BTNL9: variants seen among roughly 807,000 people sequenced by gnomAD.
The protein encoded by BTNL9 is butyrophilin-like protein 9.
Under a neutral mutation model 45.8 loss-of-function variants are expected in BTNL9, and 45 were observed. The observed-to-expected ratio is 0.98, with a 90% CI of 0.77 to 1.26. The LOEUF is 1.26. Ranked by LOEUF, BTNL9 falls within the 50% of genes most tolerant of loss-of-function variation. BTNL9 has a pLI of 0.00. For missense variants in BTNL9, 784 were observed against 729.7 expected (o/e 1.07, Z -0.86); for synonymous variants, 346 against 330.8 (o/e 1.05, Z -0.50).
chr5:181,048,821 TATA>T lies in BTNL9; in HGVS notation c.454+554_454+556del, dbSNP rs534986529. On this transcript the variant is annotated intron_variant, in intron 3 of 10. Transcript: ENST00000327705. ...ATATATTATATAATTATATTAGTTA[TATA>T]ATATTATATAATTATATTAGTTATA... 6.7e-4 allele frequency among the ~76,000 whole-genome samples: 93 copies of T among 139,658 alleles called. 1 individual carries two copies. The highest frequency in any genetic ancestry group is 7.2e-3 in the Middle Eastern group (2 of 276). 91.6% of individuals were successfully genotyped at this position (139,658 alleles called of 152,430 possible).
intron 7 of BTNL9, chr5:181,054,526 T>G (rs1427629092): frequency 2.0e-6 from 2 of 985,352 alleles, no homozygotes; most frequent in Non-Finnish European, 1.2e-6. Flanking sequence ...ACGTTTACTG[T>G]CTCCGGTTCA....
At chr5:181,052,646 G>A (rs1761606082) in intron 4 of BTNL9, 1 of 152,228 alleles carries the variant, frequency 6.6e-6, no homozygotes, top group Non-Finnish European at 1.5e-5. Flanking sequence ...TGGTGCTGTC[G>A]GCGCTGCCCC....
chr5:181,058,087 A>C (rs766450600), intron 9 of BTNL9, among the ~76,000 whole-genome samples: 1 of 152,050 alleles, frequency 6.6e-6, no homozygotes, highest in Non-Finnish European at 1.5e-5. Flanking sequence ...CTTTACCTAC[A>C]TGCTCCACTC....
Position 181,053,231 on chromosome 5 carries a change from G to C in BTNL9, c.768G>C (p.Lys256Asn). ...DVFVPGASAWKSAFVATLPLL... is the reference protein window; with the variant it reads ...DVFVPGASAWNSAFVATLPLL... The stretch of plus-strand genomic sequence containing the variant: ...TCGTACCCGGAGCCTCTGCGTGGAA[G>C]AGCGCGTTCGTCGCGACCCTGCCGC... Residue 256 changes from lysine to asparagine, a missense_variant, in exon 5 of 11, where the codon AAG becomes AAC. Physicochemically the swap from Lys to Asn is moderately conservative, Grantham distance 94. Coordinates refer to ENST00000327705, the MANE Select transcript of BTNL9 (RefSeq NM_152547.5). The surrounding 1 kb of genome is among the most constrained non-coding windows in gnomAD (Gnocchi z 6.5). 6.3e-7 allele frequency: 1 copy of C among 1,589,632 alleles called. No homozygotes were observed. The highest frequency in any genetic ancestry group is 2.4e-5 in the East Asian group (1 of 42,152).
In BTNL9 at chr5:181,053,259, C is replaced by G. The variant is rs749161528; in HGVS notation, c.796C>G (p.Leu266Val). 1 of 1,589,348 alleles carries G rather than the reference C, an allele frequency of 6.3e-7. No homozygotes were observed. Among genetic ancestry groups the G allele is most frequent in the South Asian group, 1.1e-5 (1 of 88,554 alleles). Residue 266 changes from leucine (L) to valine (V), a missense_variant, in exon 5 of 11, where the codon CTG (leucine) becomes GTG (valine). By Grantham distance (32) the Leu-to-Val change is conservative. Transcript: ENST00000327705. The surrounding 1 kb of genome is among the most constrained non-coding windows in gnomAD (Gnocchi z 6.5). ...CGCGTTCGTCGCGACCCTGCCGCTGCTGTTGGTCCTCGCGGCGCTGGCGCT... is the reference window on the plus strand; with the variant it reads ...CGCGTTCGTCGCGACCCTGCCGCTGGTGTTGGTCCTCGCGGCGCTGGCGCT... Reference protein sequence around the residue: ...KSAFVATLPLLLVLAALALGV... With the variant: ...KSAFVATLPLVLVLAALALGV...
Position 181,040,306 on chromosome 5 carries a change from C to T in BTNL9, c.-150C>T, listed in dbSNP as rs1760711740. On this transcript the variant is annotated 5_prime_UTR_variant, in exon 1 of 11. Coordinates refer to ENST00000327705, the MANE Select transcript of BTNL9 (RefSeq NM_152547.5). ...GCCCTGGCCTCTGGAGCTCAGCTGC[C>T]AGTCCACGTCTAGGGAATCTTAGCA... The T allele has an allele frequency of 6.6e-6, 1 of 152,200 alleles. No individual in the cohort carries two copies. The highest frequency in any genetic ancestry group is 2.1e-4 in the South Asian group (1 of 4,834). 9.4% of individuals were successfully genotyped at this position (152,200 alleles called of 1,614,324 possible).
rs150556835 is a variant in BTNL9 at position 181,048,110 on chromosome 5, C to A, written c.293C>A (p.Pro98Gln). ...CAGGAGCTCCCTGGCAGGCAGATGC[C>A]GGCGTTCCGGAACAGGACCAAGTTG... ...EQQELPGRQM[P>Q]AFRNRTKLVK... Residue 98 changes from proline to glutamine, a missense_variant, in exon 3 of 11, where the codon CCG becomes CAG. By Grantham distance (76) the Pro-to-Gln change is moderately conservative. Coordinates refer to ENST00000327705, the MANE Select transcript of BTNL9 (RefSeq NM_152547.5). 1 of 1,613,550 alleles carries A rather than the reference C, an allele frequency of 6.2e-7. No homozygotes were observed.
chr5:181,048,170 T>C lies in BTNL9; in HGVS notation c.353T>C (p.Leu118Pro), dbSNP rs1477405995. Residue 118 changes from leucine (L) to proline (P), a missense_variant, in exon 3 of 11, where the codon CTG becomes CCG. Physicochemically the swap from Leu to Pro is moderately conservative, Grantham distance 98. Transcript: ENST00000327705. ...KDDIAYGSVV[L>P]QLHSIIPSDK... is the part of the protein sequence containing the mutation. Reference sequence around the variant, plus strand: ...GACATCGCCTATGGCAGCGTGGTCCTGCAGCTTCACAGCATCATCCCCTCT... The same window carrying C: ...GACATCGCCTATGGCAGCGTGGTCCCGCAGCTTCACAGCATCATCCCCTCT... 6.2e-7 allele frequency: 1 copy of C among 1,613,560 alleles called. No homozygotes were observed. Among genetic ancestry groups the C allele is most frequent in the Admixed American group, 1.7e-5 (1 of 60,024 alleles).
Position 181,059,820 on chromosome 5 carries a change from A to G in BTNL9, c.1566A>G (p.Leu522=). ...AAGAGAACGACAGTGACACCTGGCT[A>G]CAGCCCTATGAGCCCGCGGACCCCG... ...VPEENDSDTW[L]QPYEPADPAL... Residue 522 remains leucine, a synonymous_variant, in exon 11 of 11, where the codon CTA becomes CTG. Transcript: ENST00000327705. The G allele has an allele frequency of 1.9e-6, 3 of 1,597,036 alleles. No individual in the cohort carries two copies. Among genetic ancestry groups the G allele is most frequent in the South Asian group, 2.2e-5 (2 of 90,114 alleles).
At position 181,055,863 on chromosome 5, in the gene BTNL9, C is replaced by G; in HGVS notation, c.929-126C>G. ...CTCCCAACCAGGTATGATGCCCAGG[C>G]AGGACCCCTGCTGGCTATGTGGGTG... On this transcript the variant is annotated intron_variant, in intron 8 of 10. Transcript: ENST00000327705. The surrounding 1 kb of genome is among the most constrained non-coding windows in gnomAD (Gnocchi z 4.4). 1 of 1,090,204 alleles carries G rather than the reference C, an allele frequency of 9.2e-7. No homozygotes were observed. The allele number at this position is 1,090,204 out of a possible 1,614,324, so 67.5% of individuals were successfully genotyped here. A position where few individuals can be genotyped will look rare whatever the true frequency, so the allele number is the denominator to read the frequency against.
At chr5:181,044,922 T>C (rs1021235158) in intron 1 of BTNL9, among the ~76,000 whole-genome samples, 16 of 152,210 alleles carry the variant, frequency 1.1e-4, no homozygotes, top group African/African-American at 2.9e-4. Context: ...TAGGATGTCG[T>C]TGGGGCTGGC....
chr5:181,054,584 G>T (rs1039513324), intron 7 of BTNL9: 52 of 985,266 alleles, frequency 5.3e-5, no homozygotes, highest in Non-Finnish European at 6.1e-5. Flanking sequence ...CACTAGGAAG[G>T]GTGGCACCTT....
At chr5:181,057,878 A>G (rs958152445) in intron 9 of BTNL9, among the ~76,000 whole-genome samples, 2 of 152,246 alleles carry the variant, frequency 1.3e-5, no homozygotes, top group Non-Finnish European at 2.9e-5. Context: ...GTTGCAAAAC[A>G]AAACAAGATA....
chr5:181,059,758 A>G lies in BTNL9; in HGVS notation c.1504A>G (p.Ile502Val). The change falls in exon 11 of 11, where the codon ATC becomes GTC. Residue 502 changes from isoleucine (I) to valine (V), a missense_variant. Coordinates refer to ENST00000327705, the MANE Select transcript of BTNL9 (RefSeq NM_152547.5). ...DGGEHPDPLT[I>V]CPLPVRGTGV... ...CGGCGAACATCCGGATCCCCTGACC[A>G]TCTGCCCGCTGCCGGTTAGAGGGAC... The G allele has an allele frequency of 6.2e-7, 1 of 1,612,018 alleles. No individual in the cohort carries two copies. The highest frequency in any genetic ancestry group is 8.5e-7 in the Non-Finnish European group (1 of 1,179,852).
Position 181,059,871 on chromosome 5 carries a change from C to T in BTNL9, c.*9C>T, listed in dbSNP as rs768731833. 37 of 1,526,566 alleles carry T rather than the reference C, an allele frequency of 2.4e-5. No homozygotes were observed. The highest frequency in any genetic ancestry group is 3.6e-5 in the South Asian group (3 of 83,444). The allele number at this position is 1,526,566 out of a possible 1,614,324, so 94.6% of individuals were successfully genotyped here. A position where few individuals can be genotyped will look rare whatever the true frequency, so the allele number is the denominator to read the frequency against. Reference sequence around the variant, plus strand: ...CCCTGGACTGGTGGTGAGGCGCCCTCGTGGCCGCGGGACTGGCCCCGGGGG... The same window carrying T: ...CCCTGGACTGGTGGTGAGGCGCCCTTGTGGCCGCGGGACTGGCCCCGGGGG... On this transcript the variant is annotated 3_prime_UTR_variant, in exon 11 of 11. Coordinates refer to ENST00000327705, the MANE Select transcript of BTNL9 (RefSeq NM_152547.5).
At position 181,042,381 on chromosome 5, in the gene BTNL9, A is replaced by G. The variant is rs910875928; in HGVS notation, c.-24+1949A>G. Among the ~76,000 whole-genome samples, 11 of 152,322 alleles carry G rather than the reference A, an allele frequency of 7.2e-5. No individual in the cohort carries two copies. Among genetic ancestry groups the G allele is most frequent in the East Asian group, 3.9e-4 (2 of 5,186 alleles). ...CTTCCCCAGGCAAAACCTCCTCACC[A>G]GGAACAACCTGAAATCAATTTACAC... On this transcript the variant is annotated intron_variant, in intron 1 of 10. Coordinates refer to ENST00000327705, the MANE Select transcript of BTNL9 (RefSeq NM_152547.5). The surrounding 1 kb of genome is among the most constrained non-coding windows in gnomAD (Gnocchi z 4.5).
chr5:181,053,530 A>G lies in BTNL9; in HGVS notation c.886+29A>G. 6.4e-7 allele frequency: 1 copy of G among 1,562,934 alleles called. No individual in the cohort carries two copies. ...AGCGGGGACAGGGCGTTCTGCACGC[A>G]CCTGCCCAAGTGCCAAAACCCGCCG... On this transcript the variant is annotated intron_variant, in intron 6 of 10. Transcript: ENST00000327705. The surrounding 1 kb of genome is among the most constrained non-coding windows in gnomAD (Gnocchi z 6.5).
At chr5:181,051,089 C>CAAA (rs372848158) in intron 4 of BTNL9, among the ~76,000 whole-genome samples, 9 of 131,822 alleles carry the variant, frequency 6.8e-5, no homozygotes, top group Admixed American at 1.6e-4. Context: ...AAAAAAAAAA[C>CAAA]AAAAAAAAAA....
At chr5:181,045,082 G>C (rs78824121) in intron 1 of BTNL9, among the ~76,000 whole-genome samples, 6 of 152,338 alleles carry the variant, frequency 3.9e-5, no homozygotes, top group African/African-American at 1.4e-4. Context: ...ATGCATCTGA[G>C]ATCTTCAGAG....
Sources: gnomAD v4.1 joint callset for allele counts (sites outside exome capture counted in the v4.1 genomes callset) on GRCh38, gnomAD v4.1.1 for gene constraint, Gnocchi (gnomAD v3.1) non-coding constraint, MANE v1.5 for transcripts, NCBI Gene and HGNC (gene_info 2026-07-23, HGNC 2026-07-21) for gene names.